Variants in APP observed in about 807,000 individuals in gnomAD.
APP encodes the protein amyloid beta precursor protein, also known as amyloid-beta precursor protein.
Under a neutral mutation model 101.4 loss-of-function variants are expected in APP, and 31 were observed. That is an observed-to-expected ratio of 0.31 (90% CI 0.23 to 0.41). The LOEUF is 0.41. Ranked by LOEUF, APP falls within the 10% of genes least tolerant of loss-of-function variation. The pLI is 1.00. For synonymous variants in APP, 366 were observed against 364.4 expected (o/e 1.00, Z -0.05); for missense variants, 839 against 1,003.7 (o/e 0.84, Z 2.22).
At chr21:26,167,003 T>C (rs139894792) in intron 1 of APP, among the ~76,000 whole-genome samples, 36 of 152,252 alleles carry the variant, frequency 2.4e-4, no homozygotes, top group African/African-American at 8.2e-4. Flanking sequence ...AAATATTGTA[T>C]ATGCAGAAAC....
intron 8 of APP, among the ~76,000 whole-genome samples, chr21:25,993,702 A>G (rs2042953863): frequency 6.6e-6 from 1 of 152,192 alleles, no homozygotes; most frequent in East Asian, 1.9e-4. Flanking sequence ...ACACCAGGAG[A>G]GTTCTATCTC....
chr21:25,967,481 T>G (rs1350137537), intron 11 of APP, among the ~76,000 whole-genome samples: 1 of 152,192 alleles, frequency 6.6e-6, no homozygotes, highest in Non-Finnish European at 1.5e-5. Flanking sequence ...ATCTCAGAAT[T>G]ACAAAGAAAG....
chr21:25,900,656 T>TC (rs1233295444), intron 15 of APP, among the ~76,000 whole-genome samples: 4 of 151,850 alleles, frequency 2.6e-5, no homozygotes, highest in African/African-American at 9.7e-5. Context: ...GTTTGAAGAG[T>TC]CTTCCCTTTT....
intron 5 of APP, among the ~76,000 whole-genome samples, chr21:26,043,212 A>C (rs1026455631): frequency 1.8e-4 from 27 of 151,488 alleles, no homozygotes; most frequent in African/African-American, 6.6e-4. Flanking sequence ...GTCTAGAATG[A>C]TATTCCTTAG....
intron 15 of APP, among the ~76,000 whole-genome samples, chr21:25,904,765 A>C (rs1329350120): frequency 2.6e-5 from 4 of 152,152 alleles, no homozygotes; most frequent in East Asian, 1.9e-4. Flanking sequence ...GAAAAAAAAA[A>C]ACCCAAATTT....
intron 6 of APP, among the ~76,000 whole-genome samples, chr21:26,007,345 G>T (rs1032925715): frequency 8.9e-5 from 13 of 145,612 alleles, no homozygotes; most frequent in Non-Finnish European, 1.4e-4. Flanking sequence ...TCAAATAAAC[G>T]TTATAATTTA....
chr21:25,932,287 T>G (rs2040181116), intron 13 of APP, among the ~76,000 whole-genome samples: 1 of 152,188 alleles, frequency 6.6e-6, no homozygotes, highest in African/African-American at 2.4e-5. Context: ...CCAACCTTTT[T>G]GCTAATTTGT....
intron 15 of APP, 149 bp downstream of exon 15, chr21:25,904,875 A>C: frequency 1.4e-6 from 1 of 721,896 alleles, no homozygotes; most frequent in Admixed American, 2.1e-5. Context: ...AGTCAAGGGG[A>C]ATTTTTAAAA....
At chr21:26,026,732 G>C (rs1041057747) in intron 5 of APP, among the ~76,000 whole-genome samples, 4 of 152,220 alleles carry the variant, frequency 2.6e-5, no homozygotes, top group African/African-American at 9.7e-5. Context: ...AGAGGATTTG[G>C]GGGATAGTAA....
At chr21:25,911,242 T>C (rs1044576819) in intron 14 of APP, among the ~76,000 whole-genome samples, 12 of 152,230 alleles carry the variant, frequency 7.9e-5, no homozygotes, top group African/African-American at 2.9e-4. Flanking sequence ...CCATTTTATA[T>C]TAAGAAGAGG....
chr21:25,923,360 A>G (rs1310886692), intron 13 of APP, among the ~76,000 whole-genome samples: 1 of 148,960 alleles, frequency 6.7e-6, no homozygotes, highest in African/African-American at 2.6e-5. Flanking sequence ...CAATGGCAAC[A>G]AAAGCCAAAA....
At chr21:25,886,251 G>A (rs148718858) in intron 17 of APP, among the ~76,000 whole-genome samples, 1 of 152,180 alleles carries the variant, frequency 6.6e-6, no homozygotes, top group Non-Finnish European at 1.5e-5. Flanking sequence ...GTAACTGCCT[G>A]CTACCTAGTT....
chr21:26,138,322 T>C (rs778578111), intron 1 of APP, among the ~76,000 whole-genome samples: 1 of 151,906 alleles, frequency 6.6e-6, no homozygotes, highest in Admixed American at 6.6e-5. Flanking sequence ...TCTTAGAGAG[T>C]TGGCAGATCA....
At chr21:25,908,547 G>A (rs138343465) in intron 14 of APP, among the ~76,000 whole-genome samples, 7 of 152,186 alleles carry the variant, frequency 4.6e-5, no homozygotes, top group Admixed American at 1.3e-4. Context: ...GGTGGGAGAC[G>A]GTGTTAGAAG....
intron 5 of APP, among the ~76,000 whole-genome samples, chr21:26,041,665 A>C (rs1225481819): frequency 6.6e-6 from 1 of 151,822 alleles, no homozygotes; most frequent in African/African-American, 2.4e-5. Flanking sequence ...GACAGCAGCA[A>C]CTCAAGCCCT....
chr21:26,151,728 A>G lies in APP; in HGVS notation c.57+18836T>C, dbSNP rs145478971. Reference sequence around the variant, plus strand: ...AGGGTTTGCGCTCCTATGAGCATCTAATGCCCTGCTGATGTGACAAGAGGC... The same window carrying G: ...AGGGTTTGCGCTCCTATGAGCATCTGATGCCCTGCTGATGTGACAAGAGGC... On this transcript the variant is annotated intron_variant, in intron 1 of 17. Transcript: ENST00000346798. Among the ~76,000 whole-genome samples, 594 of 152,250 alleles carry G rather than the reference A, an allele frequency of 3.9e-3. 2 individuals carry two copies. Among genetic ancestry groups the G allele is most frequent in the African/African-American group, 0.014 (574 of 41,538 alleles).
intron 13 of APP, among the ~76,000 whole-genome samples, chr21:25,918,150 C>T (rs1168853751): frequency 6.6e-6 from 1 of 152,196 alleles, no homozygotes; most frequent in Non-Finnish European, 1.5e-5. Context: ...ACTAGAAATA[C>T]CATTTGACCC....
chr21:26,029,840 C>T (rs2830017), intron 5 of APP, among the ~76,000 whole-genome samples: 12,787 of 152,146 alleles, frequency 0.084, 870 homozygotes, highest in East Asian at 0.29. Flanking sequence ...AGATTGTATG[C>T]GACCTGTAAG....
intron 16 of APP, among the ~76,000 whole-genome samples, chr21:25,896,466 C>CT (rs1216016222): frequency 2.0e-5 from 3 of 152,042 alleles, no homozygotes; most frequent in African/African-American, 7.2e-5. Flanking sequence ...CCTGAGATAA[C>CT]TTTAAGTATT....
Sources: gnomAD v4.1 joint callset for allele counts (sites outside exome capture counted in the v4.1 genomes callset) on GRCh38, gnomAD v4.1.1 for gene constraint, MANE v1.5 for transcripts, NCBI Gene and HGNC (gene_info 2026-07-23, HGNC 2026-07-21) for gene names.